Variants in PARD3B observed in about 807,000 individuals in gnomAD.
PARD3B encodes partitioning defective 3 homolog B.
A neutral mutation model predicts 130.2 loss-of-function variants in PARD3B; 103 were observed. That is an observed-to-expected ratio of 0.79 (90% CI 0.67 to 0.93). PARD3B has a LOEUF of 0.93. Ranked by LOEUF, PARD3B falls within the 40% of genes least tolerant of loss-of-function variation. The pLI is 0.00. For synonymous variants in PARD3B, 583 were observed against 553.2 expected, an observed-to-expected ratio of 1.05 and a Z score of -0.76; for missense variants, 1,609 against 1,499.2, an observed-to-expected ratio of 1.07 and a Z score of -1.21.
At chr2:204,786,222 G>C (rs1029263418) in intron 2 of PARD3B, among the ~76,000 whole-genome samples, 1 of 151,900 alleles carries the variant, frequency 6.6e-6, no homozygotes, top group African/African-American at 2.4e-5. Context: ...GGTGACAATA[G>C]AAACTGGTAG....
chr2:205,447,308 C>T (rs1490555253), intron 20 of PARD3B, among the ~76,000 whole-genome samples: 1 of 152,120 alleles, frequency 6.6e-6, no homozygotes, highest in African/African-American at 2.4e-5. Flanking sequence ...GCTCACCTGT[C>T]TCCTCAGTTC....
At chr2:204,757,957 G>A (rs2040748654) in intron 2 of PARD3B, among the ~76,000 whole-genome samples, 1 of 152,160 alleles carries the variant, frequency 6.6e-6, no homozygotes, top group South Asian at 2.1e-4. Context: ...AGTATTTAAT[G>A]TTCTGGTTAT....
intron 2 of PARD3B, among the ~76,000 whole-genome samples, chr2:204,717,876 A>G (rs1340369003): frequency 2.0e-5 from 3 of 152,314 alleles, no homozygotes; most frequent in East Asian, 1.9e-4. Flanking sequence ...CTTCAGCTCA[A>G]TAGGTTCGTT....
chr2:205,178,609 A>G (rs2035618988), intron 13 of PARD3B, among the ~76,000 whole-genome samples: 1 of 152,238 alleles, frequency 6.6e-6, no homozygotes, highest in Admixed American at 6.5e-5. Flanking sequence ...GGACATTTGT[A>G]TTAAAATATC....
chr2:205,107,450 A>C (rs1703308134), intron 5 of PARD3B, among the ~76,000 whole-genome samples: 1 of 152,254 alleles, frequency 6.6e-6, no homozygotes, highest in South Asian at 2.1e-4. Context: ...AATGAGATAT[A>C]GTACAGACAA....
intron 2 of PARD3B, among the ~76,000 whole-genome samples, chr2:204,728,159 AG>A (rs2039324190): frequency 6.6e-6 from 1 of 152,154 alleles, no homozygotes; most frequent in Non-Finnish European, 1.5e-5. Flanking sequence ...CATCGTGAAG[AG>A]GCAGTTTGTT....
chr2:205,024,552 G>A (rs1014342678), intron 3 of PARD3B, among the ~76,000 whole-genome samples: 6 of 152,134 alleles, frequency 3.9e-5, no homozygotes, highest in African/African-American at 1.2e-4. Context: ...TTGTAGTGAT[G>A]TAGGTAGTGG....
intron 1 of PARD3B, among the ~76,000 whole-genome samples, chr2:204,548,398 C>A (rs1055510195): frequency 1.1e-4 from 17 of 152,112 alleles, no homozygotes. Flanking sequence ...TGACTTATTT[C>A]TCCCAACAAC....
intron 18 of PARD3B, among the ~76,000 whole-genome samples, chr2:205,350,005 G>T (rs1214958550): frequency 6.6e-6 from 1 of 151,958 alleles, no homozygotes; most frequent in Admixed American, 6.6e-5. Flanking sequence ...CTGACATAAG[G>T]CCTCTGGTTT....
intron 8 of PARD3B, 123 bp from the exon 9 acceptor site, chr2:205,124,204 C>A (rs956681890): frequency 7.1e-5 from 58 of 822,022 alleles, no homozygotes; most frequent in Non-Finnish European, 1.0e-4. Context: ...TTTAAAATGT[C>A]CCAGAATGTA....
Position 205,421,173 on chromosome 2 carries a change from T to C in PARD3B, c.2742-19197T>C, listed in dbSNP as rs570866393. 1.6e-4 allele frequency among the ~76,000 whole-genome samples: 24 copies of C among 151,852 alleles called. No homozygotes were observed. Among genetic ancestry groups the C allele is most frequent in the African/African-American group, 2.4e-5 (1 of 41,336 alleles). On this transcript the variant is annotated intron_variant, in intron 19 of 22. Coordinates refer to ENST00000406610, the MANE Select transcript of PARD3B (RefSeq NM_001302769.2). This position sits in a 1 kb window ranked among gnomAD's most constrained non-coding sequence, Gnocchi z 5.1. Reference sequence around the variant, plus strand: ...AACAAAAAAAACGGAAAAGAAAATATGTGCTGTATATTGGGAGATGATAAG... The same window carrying C: ...AACAAAAAAAACGGAAAAGAAAATACGTGCTGTATATTGGGAGATGATAAG...
At position 205,341,666 on chromosome 2, in the gene PARD3B, G is replaced by A. The variant is rs1441518732; in HGVS notation, c.2630+39965G>A. On this transcript the variant is annotated intron_variant, in intron 18 of 22. Transcript: ENST00000406610. This position sits in a 1 kb window ranked among gnomAD's most constrained non-coding sequence, Gnocchi z 4.3. ...ATCATAGCTTCCGACAGCACTGTTGGTTAAATGTGGTTAACTACAATTTAT... is the reference window on the plus strand; with the variant it reads ...ATCATAGCTTCCGACAGCACTGTTGATTAAATGTGGTTAACTACAATTTAT... Among the ~76,000 whole-genome samples, 2 of 151,988 alleles carry A rather than the reference G, an allele frequency of 1.3e-5. No homozygotes were observed. The highest frequency in any genetic ancestry group is 2.9e-5 in the Non-Finnish European group (2 of 67,948).
At chr2:205,205,620 A>G (rs2037244992) in intron 15 of PARD3B, among the ~76,000 whole-genome samples, 1 of 152,188 alleles carries the variant, frequency 6.6e-6, no homozygotes, top group Non-Finnish European at 1.5e-5. Flanking sequence ...GATACATTCC[A>G]TCAATACCTA....
At chr2:204,798,438 A>G (rs1014213160) in intron 2 of PARD3B, among the ~76,000 whole-genome samples, 1 of 152,162 alleles carries the variant, frequency 6.6e-6, no homozygotes, top group Non-Finnish European at 1.5e-5. Flanking sequence ...GGGGTTCTAA[A>G]TAAACTTGAA....
chr2:205,400,171 T>C (rs1247771711), intron 18 of PARD3B, among the ~76,000 whole-genome samples: 3 of 152,180 alleles, frequency 2.0e-5, no homozygotes, highest in African/African-American at 2.4e-5. Flanking sequence ...GATAATTCTT[T>C]AGTTTCTCAC....
intron 4 of PARD3B, among the ~76,000 whole-genome samples, chr2:205,100,114 T>C (rs1388994819): frequency 6.6e-6 from 1 of 152,188 alleles, no homozygotes; most frequent in Non-Finnish European, 1.5e-5. Context: ...GCTATCTAAC[T>C]GGAACTAGAT....
At chr2:204,893,730 G>C (rs1019087415) in intron 2 of PARD3B, among the ~76,000 whole-genome samples, 1 of 152,110 alleles carries the variant, frequency 6.6e-6, no homozygotes, top group African/African-American at 2.4e-5. Context: ...TTTATGTATA[G>C]CACATCTCAG....
chr2:205,110,897 G>T (rs566037951), intron 5 of PARD3B, among the ~76,000 whole-genome samples: 1 of 152,184 alleles, frequency 6.6e-6, no homozygotes, highest in African/African-American at 2.4e-5. Context: ...TATGAGATAT[G>T]TCGTCAAATA....
chr2:204,688,826 T>C (rs2037215905), intron 2 of PARD3B, among the ~76,000 whole-genome samples: 1 of 152,060 alleles, frequency 6.6e-6, no homozygotes, highest in African/African-American at 2.4e-5. Context: ...AAAATAACAG[T>C]TCACCTGTTT....
Sources: gnomAD v4.1 joint callset for allele counts (sites outside exome capture counted in the v4.1 genomes callset) on GRCh38, gnomAD v4.1.1 for gene constraint, Gnocchi (gnomAD v3.1) non-coding constraint, MANE v1.5 for transcripts, NCBI Gene and HGNC (gene_info 2026-07-23, HGNC 2026-07-21) for gene names.